BDP1: variants seen among roughly 807,000 people sequenced by gnomAD.
BDP1 encodes the protein BDP1 general transcription factor IIIB subunit, also known as transcription factor TFIIIB component B'' homolog.
BDP1 carries 169 observed loss-of-function variants against 266.6 expected under a neutral mutation model. The ratio of observed to expected loss-of-function variants is 0.63; its 90% CI spans 0.56 to 0.72. BDP1 has a LOEUF of 0.72. Among genes scored for constraint, BDP1 ranks in the 30% least tolerant of loss-of-function variants. The pLI is 0.00. For missense variants in BDP1, 3,015 were observed against 3,053.8 expected (o/e 0.99, Z 0.30); for synonymous variants, 1,090 against 1,022.4 (o/e 1.07, Z -1.26).
Position 71,504,638 on chromosome 5 carries a change from A to C in BDP1, c.2259A>C (p.Glu753Asp), listed in dbSNP as rs760997644. The change falls in exon 16 of 39, where the codon GAA becomes GAC. Residue 753 changes from glutamate (E) to aspartate (D), a missense_variant. Coordinates refer to ENST00000358731, the MANE Select transcript of BDP1 (RefSeq NM_018429.3). ...TTTTTAAGACTCCTCAACACATGGA[A>C]GATCAATCGCGTAAAGATTTTGAAG... ...CADRDTPQHM[E>D]DQSRKDFEEE... 1.2e-6 allele frequency: 2 copies of C among 1,613,346 alleles called. No individual in the cohort carries two copies. Among genetic ancestry groups the C allele is most frequent in the Non-Finnish European group, 1.7e-6 (2 of 1,179,696 alleles).
chr5:71,472,852 A>ACT (rs1762331132), intron 7 of BDP1, among the ~76,000 whole-genome samples: 1 of 130,988 alleles, frequency 7.6e-6, no homozygotes, highest in Non-Finnish European at 1.7e-5. Flanking sequence ...TTATAAATAT[A>ACT]CTCTTTCATT....
chr5:71,572,774 G>C (rs202187150), downstream of BDP1, among the ~76,000 whole-genome samples: 42 of 152,202 alleles, frequency 2.8e-4, no homozygotes, highest in East Asian at 6.2e-3. Flanking sequence ...GATTAAAACA[G>C]CCTCATGAAA....
intron 38 of BDP1, among the ~76,000 whole-genome samples, chr5:71,563,077 T>G (rs1316734673): frequency 1.3e-5 from 2 of 152,222 alleles, no homozygotes; most frequent in African/African-American, 4.8e-5. Flanking sequence ...GTATTATTTG[T>G]TAGAATTATT....
At position 71,558,845 on chromosome 5, in the gene BDP1, C is replaced by A. The variant is rs1323934464; in HGVS notation, c.7241-1137C>A. 3.4e-3 allele frequency among the ~76,000 whole-genome samples: 420 copies of A among 122,430 alleles called. 3 individuals are homozygous for A. The highest frequency in any genetic ancestry group is 0.012 in the African/African-American group (394 of 33,142). 80.3% of individuals were successfully genotyped at this position (122,430 alleles called of 152,430 possible). On this transcript the variant is annotated intron_variant, in intron 36 of 38. Transcript: ENST00000358731. ...CTGTCTCAAAAACAAAAAAAAAAAA[C>A]AACAAAAAAACCCCACACATATAAT...
intron 23 of BDP1, 25 bp downstream of exon 23, chr5:71,522,515 A>G (rs1483227872): frequency 6.4e-7 from 1 of 1,569,520 alleles, no homozygotes; most frequent in Non-Finnish European, 8.6e-7. Context: ...AAAAAAAAAA[A>G]AAATTTTTTT....
the BDP1 span, among the ~76,000 whole-genome samples, chr5:71,575,558 A>G: frequency 1.3e-5 from 2 of 152,202 alleles, no homozygotes; most frequent in African/African-American, 4.8e-5. Flanking sequence ...CAAAAATTCA[A>G]CTGATGGGCA....
rs779623024 is a variant in BDP1 at position 71,560,022 on chromosome 5, A to T, written c.7281A>T (p.Gly2427=). 5.0e-6 allele frequency: 8 copies of T among 1,613,932 alleles called. No individual in the cohort carries two copies. In the South Asian group the frequency reaches 8.8e-5, roughly 18 times the overall value. The change falls in exon 37 of 39, where the codon GGA becomes GGT. Residue 2427 remains glycine (G), a synonymous_variant. Transcript: ENST00000358731. ...GACAAGATATTTTTCTTACCTCAGG[A>T]AGCACACTGACAACTCCAGAACCTC... ...HKGQDIFLTS[G]STLTTPEPQR...
intron 7 of BDP1, 98 bp downstream of exon 7, chr5:71,470,587 T>A: frequency 9.1e-6 from 7 of 770,052 alleles, no homozygotes; most frequent in Non-Finnish European, 1.4e-5. Context: ...TCTTAGTTCA[T>A]CTTTTTTTTT....
At chr5:71,571,539 A>T (rs778315814), downstream of BDP1, among the ~76,000 whole-genome samples, 7 of 152,150 alleles carry the variant, frequency 4.6e-5, no homozygotes, top group Non-Finnish European at 4.4e-5. Flanking sequence ...CTTCCTGTAC[A>T]TGGCTTCCTC....
At chr5:71,481,042 C>T (rs1438418711) in intron 7 of BDP1, among the ~76,000 whole-genome samples, 4 of 151,924 alleles carry the variant, frequency 2.6e-5, no homozygotes, top group African/African-American at 4.8e-5. Context: ...GGCGTGGTGG[C>T]GTGCGCCTGT....
rs1322656494 is a variant in BDP1, at chr5:71,489,411, A to T, written c.1221A>T (p.Lys407Asn). The change falls in exon 10 of 39, where the codon AAA (lysine) becomes AAT (asparagine). Residue 407 changes from lysine (K) to asparagine (N), a missense_variant. Physicochemically the swap from Lys to Asn is moderately conservative, Grantham distance 94. Around this residue, in one of 3 missense-constraint regions of BDP1, gnomAD observed 2,383 missense variants for 2,404.9 expected, o/e 0.99. Coordinates refer to ENST00000358731, the MANE Select transcript of BDP1 (RefSeq NM_018429.3). Reference sequence around the variant, plus strand: ...AATTTCTCTTGTTTTCAGTGAAAAAAGTTGCCTGTGAAGGAGTGAATAATG... The same window carrying T: ...AATTTCTCTTGTTTTCAGTGAAAAATGTTGCCTGTGAAGGAGTGAATAATG... ...TKPRKNVKVKKVACEGVNNDP... is the reference protein window; with the variant it reads ...TKPRKNVKVKNVACEGVNNDP... 6.3e-7 allele frequency: 1 copy of T among 1,579,242 alleles called. No individual in the cohort carries two copies. Among genetic ancestry groups the T allele is most frequent in the African/African-American group, 1.4e-5 (1 of 72,892 alleles).
In BDP1 at chr5:71,504,473, A is replaced by G. The variant is rs367620271; in HGVS notation, c.2242-148A>G. The G allele has an allele frequency of 2.6e-5, 18 of 696,862 alleles. 1 individual carries two copies. The African/African-American group carries it at 3.3e-4, about 13-fold the overall frequency. 43.2% of individuals were successfully genotyped at this position (696,862 alleles called of 1,614,324 possible). A position where few individuals can be genotyped will look rare whatever the true frequency, so the allele number is the denominator to read the frequency against. On this transcript the variant is annotated intron_variant, in intron 15 of 38. Coordinates refer to ENST00000358731, the MANE Select transcript of BDP1 (RefSeq NM_018429.3). Reference sequence around the variant, plus strand: ...ACTCATGAAATTTTCTAAGATAGCTAAAGAAAAAACATTAAAAGTATTTTA... The same window carrying G: ...ACTCATGAAATTTTCTAAGATAGCTGAAGAAAAAACATTAAAAGTATTTTA...
At chr5:71,554,104 A>C (rs1375035321) in intron 35 of BDP1, among the ~76,000 whole-genome samples, 1 of 152,228 alleles carries the variant, frequency 6.6e-6, no homozygotes, top group African/African-American at 2.4e-5. Context: ...TCAAAGAGAA[A>C]GTTAAAGACC....
intron 21 of BDP1, 57 bp downstream of exon 21, chr5:71,516,328 T>G: frequency 7.7e-7 from 1 of 1,302,862 alleles, no homozygotes; most frequent in South Asian, 1.3e-5. Context: ...AATGTCAAGT[T>G]ATAGCTCAGA....
chr5:71,541,728 A>C, intron 29 of BDP1, 46 bp downstream of exon 29: 1 of 1,195,092 alleles, frequency 8.4e-7, no homozygotes, highest in Non-Finnish European at 1.2e-6. Flanking sequence ...AACCACCATC[A>C]AATTAGTTAA....
intron 14 of BDP1, 123 bp downstream of exon 14, chr5:71,501,776 C>T (rs186740884): frequency 0.014 from 9,199 of 638,366 alleles, 114 homozygotes; most frequent in Middle Eastern, 0.025. Context: ...ACTTTAAGTT[C>T]GTTTTCAACC....
At chr5:71,562,602 T>A (rs1743756324) in intron 38 of BDP1, 82 bp downstream of exon 38, 5 of 1,522,212 alleles carry the variant, frequency 3.3e-6, no homozygotes, top group Non-Finnish European at 4.4e-6. Flanking sequence ...TAGTAATTTG[T>A]TATTTTTATT....
At chr5:71,493,217 A>T (rs1251104727) in intron 11 of BDP1, among the ~76,000 whole-genome samples, 1 of 152,228 alleles carries the variant, frequency 6.6e-6, no homozygotes, top group Non-Finnish European at 1.5e-5. Context: ...ACCTAATTTC[A>T]TAAACTACAC....
chr5:71,547,964 T>A (rs1013018539), intron 32 of BDP1, among the ~76,000 whole-genome samples: 9 of 151,694 alleles, frequency 5.9e-5, no homozygotes, highest in Admixed American at 2.6e-4. Flanking sequence ...AAAAAATAAA[T>A]AAATAAATAA....
Sources: allele counts gnomAD v4.1 joint callset (sites outside exome capture counted in the v4.1 genomes callset), GRCh38; gene constraint gnomAD v4.1.1; regional missense constraint gnomAD v4.1.1; transcripts MANE v1.5; gene names NCBI Gene and HGNC (gene_info 2026-07-23, HGNC 2026-07-21).